The following CACNG7 variants were observed in gnomAD, a reference collection of about 807,000 sequenced individuals.
The protein encoded by CACNG7 is voltage-dependent calcium channel gamma-7 subunit.
Under a neutral mutation model 26.3 loss-of-function variants are expected in CACNG7, and 9 were observed. The ratio of observed to expected loss-of-function variants is 0.34; its 90% CI spans 0.21 to 0.60. CACNG7 has a LOEUF of 0.60. CACNG7 is among the 20% of genes least tolerant of loss of function. The probability of loss-of-function intolerance (pLI) is 0.81; values close to 1 mark genes in which losing one functional copy is unlikely to be tolerated. For missense variants in CACNG7, 297 were observed against 380.4 expected, an observed-to-expected ratio of 0.78 and a Z score of 1.82; for synonymous variants, 170 against 157.0, an observed-to-expected ratio of 1.08 and a Z score of -0.62.
intron 4 of CACNG7, among the ~76,000 whole-genome samples, chr19:53,926,479 C>T (rs1349437730): frequency 6.6e-6 from 1 of 152,126 alleles, no homozygotes; most frequent in Non-Finnish European, 1.5e-5. Flanking sequence ...TTCAGAGTTG[C>T]TTTCTCTGAC....
intron 4 of CACNG7, among the ~76,000 whole-genome samples, chr19:53,931,758 AC>A (rs1266778953): frequency 7.6e-6 from 1 of 132,186 alleles, no homozygotes; most frequent in Non-Finnish European, 1.6e-5. Flanking sequence ...AACAACGCTG[AC>A]TTTTTTTTTT....
chr19:53,927,838 C>CAAA (rs74177830), intron 4 of CACNG7, among the ~76,000 whole-genome samples: 36 of 110,568 alleles, frequency 3.3e-4, no homozygotes, highest in African/African-American at 1.0e-3. Context: ...AACTCCATCT[C>CAAA]AAAAAAAAAA....
At chr19:53,934,973 G>T (rs545404545) in intron 4 of CACNG7, among the ~76,000 whole-genome samples, 1 of 151,678 alleles carries the variant, frequency 6.6e-6, no homozygotes, top group Admixed American at 6.6e-5. Context: ...TACAACATTT[G>T]CCTTTCTGTC....
chr19:53,927,838 C>CAA (rs74177830), intron 4 of CACNG7, among the ~76,000 whole-genome samples: 1,616 of 110,474 alleles, frequency 0.015, 27 homozygotes, highest in African/African-American at 0.039. Flanking sequence ...AACTCCATCT[C>CAA]AAAAAAAAAA....
chr19:53,920,661 T>G (rs1486471279), intron 4 of CACNG7, among the ~76,000 whole-genome samples: 11 of 112,486 alleles, frequency 9.8e-5, no homozygotes, highest in African/African-American at 4.9e-4. Flanking sequence ...GGCTGGTCAT[T>G]GGTGGAGTTG....
chr19:53,942,024 G>C lies in CACNG7; in HGVS notation c.571-12G>C, dbSNP rs1303544788. The stretch of plus-strand genomic sequence containing the variant: ...GGGGCGCCCCTGGGACTCTGACCTT[G>C]CCTTGCCGCAGGGGGCCGGCGTGAT... On this transcript the variant is annotated splice_polypyrimidine_tract_variant and intron_variant, in intron 5 of 5. Coordinates refer to ENST00000391767, the MANE Select transcript of CACNG7 (RefSeq NM_031896.5). This position sits in a 1 kb window ranked among gnomAD's most constrained non-coding sequence, Gnocchi z 5.9. 3 of 1,577,058 alleles carry C rather than the reference G, an allele frequency of 1.9e-6. No homozygotes were observed. Among genetic ancestry groups the C allele is most frequent in the African/African-American group, 1.3e-5 (1 of 74,272 alleles).
At chr19:53,925,413 T>C (rs2069020205) in intron 4 of CACNG7, among the ~76,000 whole-genome samples, 1 of 149,468 alleles carries the variant, frequency 6.7e-6, no homozygotes, top group Admixed American at 6.6e-5. Context: ...GGTCTGGTCA[T>C]TGGTGGAGTT....
chr19:53,931,839 G>C (rs1296144883), intron 4 of CACNG7, among the ~76,000 whole-genome samples: 1 of 135,068 alleles, frequency 7.4e-6, no homozygotes, highest in East Asian at 2.2e-4. Flanking sequence ...TCGGCTCACT[G>C]CAAGCTCCGC....
In CACNG7 at chr19:53,912,067, G is replaced by A. The variant is rs1388033675; in HGVS notation, c.-29-736G>A. Among the ~76,000 whole-genome samples, 2 of 152,156 alleles carry A rather than the reference G, an allele frequency of 1.3e-5. No individual in the cohort carries two copies. Among genetic ancestry groups the A allele is most frequent in the South Asian group, 2.1e-4 (1 of 4,830 alleles). ...GAAAATGTATCAGGGCATCAGATTA[G>A]GGCATGGAGTTAAGACTGGGTAGCC... On this transcript the variant is annotated intron_variant, in intron 1 of 5. Coordinates refer to ENST00000391767, the MANE Select transcript of CACNG7 (RefSeq NM_031896.5). The surrounding 1 kb of genome is among the most constrained non-coding windows in gnomAD (Gnocchi z 4.6).
intron 4 of CACNG7, among the ~76,000 whole-genome samples, chr19:53,929,777 G>C (rs977735727): frequency 1.3e-5 from 2 of 152,092 alleles, no homozygotes; most frequent in East Asian, 1.9e-4. Context: ...CAACATTATG[G>C]AATACTAGAA....
In CACNG7 at chr19:53,936,983, C is replaced by T. The variant is rs551814123; in HGVS notation, c.425-4487C>T. Among the ~76,000 whole-genome samples, 8 of 152,166 alleles carry T rather than the reference C, an allele frequency of 5.3e-5. No homozygotes were observed. The South Asian group carries it at 1.7e-3, about 32-fold the overall frequency. ...AGTGCAGTGGTGCAGTCATAGCTCACTGCAGCCTTGAACTCCTAGGCTCGA... is the reference window on the plus strand; with the variant it reads ...AGTGCAGTGGTGCAGTCATAGCTCATTGCAGCCTTGAACTCCTAGGCTCGA... On this transcript the variant is annotated intron_variant, in intron 4 of 5. Transcript: ENST00000391767.
rs1032583858 is a variant in CACNG7 at position 53,909,328 on chromosome 19, T to TGAGGCC, written c.-217_-212dup. The TGAGGCC allele has an allele frequency of 7.1e-6, 1 of 140,980 alleles. No homozygotes were observed. The highest frequency in any genetic ancestry group is 1.6e-5 in the Non-Finnish European group (1 of 63,758). The allele number at this position is 140,980 out of a possible 1,614,324, so 8.7% of individuals were successfully genotyped here. Reference sequence around the variant, plus strand: ...CCTGCTCCCGGCTCCGTCCGCCGAGTGAGGCCGCGGCCGCGGGGGGTGGGG... The same window carrying TGAGGCC: ...CCTGCTCCCGGCTCCGTCCGCCGAGTGAGGCCGAGGCCGCGGCCGCGGGGGGTGGGG... On this transcript the variant is annotated 5_prime_UTR_variant, in exon 1 of 6. Transcript: ENST00000391767. This position sits in a 1 kb window ranked among gnomAD's most constrained non-coding sequence, Gnocchi z 5.1.
In CACNG7 at chr19:53,939,595, T is replaced by C. The variant is rs2069125454; in HGVS notation, c.425-1875T>C. The stretch of plus-strand genomic sequence containing the variant: ...TTCTAGGTTCATCCCTATGGTAGCA[T>C]GAATCAGTATATCGTTCCCTTTTTT... On this transcript the variant is annotated intron_variant, in intron 4 of 5. Coordinates refer to ENST00000391767, the MANE Select transcript of CACNG7 (RefSeq NM_031896.5). This position sits in a 1 kb window ranked among gnomAD's most constrained non-coding sequence, Gnocchi z 4.2. 6.6e-6 allele frequency among the ~76,000 whole-genome samples: 1 copy of C among 152,246 alleles called. No homozygotes were observed. Among genetic ancestry groups the C allele is most frequent in the South Asian group, 2.1e-4 (1 of 4,834 alleles).
intron 4 of CACNG7, among the ~76,000 whole-genome samples, chr19:53,919,910 C>CATTGGTGGAGTTGTCCCCAGGCCTGGT (rs2068927440): frequency 8.6e-6 from 1 of 116,430 alleles, no homozygotes; most frequent in Admixed American, 9.3e-5. Context: ...CCAGGCTGGT[C>CATTGGTGGAGTTGTCCCCAGGCCTGGT]ATTGGTGGAG....
chr19:53,931,922 C>T (rs1384725763), intron 4 of CACNG7, among the ~76,000 whole-genome samples: 6 of 150,966 alleles, frequency 4.0e-5, no homozygotes, highest in South Asian at 2.1e-4. Context: ...CCACCACGCC[C>T]GGCTAATTTT....
rs148656849 is a variant in CACNG7 at position 53,940,934 on chromosome 19, G to A, written c.425-536G>A. Among the ~76,000 whole-genome samples, 2,150 of 151,832 alleles carry A rather than the reference G, an allele frequency of 0.014. 49 individuals carry two copies. Among genetic ancestry groups the A allele is most frequent in the African/African-American group, 0.048 (1,992 of 41,404 alleles). Reference sequence around the variant, plus strand: ...AAATTAGTCGGGAGTGGTGGCGGGCGCCTGTAATCCCAGCTACTTGGGAGG... The same window carrying A: ...AAATTAGTCGGGAGTGGTGGCGGGCACCTGTAATCCCAGCTACTTGGGAGG... On this transcript the variant is annotated intron_variant, in intron 4 of 5. Coordinates refer to ENST00000391767, the MANE Select transcript of CACNG7 (RefSeq NM_031896.5). This position sits in a 1 kb window ranked among gnomAD's most constrained non-coding sequence, Gnocchi z 4.1.
chr19:53,935,634 C>CTTTTTTTTTTT lies in CACNG7; in HGVS notation c.425-5823_425-5813dup. Among the ~76,000 whole-genome samples, 274 of 42,244 alleles carry CTTTTTTTTTTT rather than the reference C, an allele frequency of 6.5e-3. 19 individuals carry two copies. The highest frequency in any genetic ancestry group is 0.013 in the East Asian group (13 of 1,014). The allele number at this position is 42,244 out of a possible 152,430, so 27.7% of individuals were successfully genotyped here. On this transcript the variant is annotated intron_variant, in intron 4 of 5. Coordinates refer to ENST00000391767, the MANE Select transcript of CACNG7 (RefSeq NM_031896.5). ...CACCGCCCCCACCCTCCAATACTGT[C>CTTTTTTTTTTT]TTTTTTTTTTTTTTTTTTTTTTTGA...
chr19:53,927,816 C>T (rs1202137383), intron 4 of CACNG7, among the ~76,000 whole-genome samples: 15 of 132,710 alleles, frequency 1.1e-4, no homozygotes, highest in African/African-American at 3.8e-4. Context: ...CCAGCTTGGG[C>T]AACAAGAGCG....
chr19:53,941,717 C>G (rs1463068487), intron 5 of CACNG7, 102 bp downstream of exon 5: 4 of 1,408,608 alleles, frequency 2.8e-6, no homozygotes, highest in Non-Finnish European at 2.9e-6. Flanking sequence ...GATGCAGACT[C>G]TGGCGTCAGA....
Sources: gnomAD v4.1 joint callset for allele counts (sites outside exome capture counted in the v4.1 genomes callset) on GRCh38, gnomAD v4.1.1 for gene constraint, Gnocchi (gnomAD v3.1) non-coding constraint, MANE v1.5 for transcripts, NCBI Gene and HGNC (gene_info 2026-07-23, HGNC 2026-07-21) for gene names.